THEMIS: variants seen among roughly 807,000 people sequenced by gnomAD.
THEMIS encodes the protein protein THEMIS.
THEMIS carries 37 observed loss-of-function variants against 52.6 expected under a neutral mutation model. The ratio of observed to expected loss-of-function variants is 0.70; its 90% confidence interval spans 0.54 to 0.93. THEMIS has a LOEUF of 0.93. Among genes scored for constraint, THEMIS ranks in the 40% least tolerant of loss-of-function variants. The probability of loss-of-function intolerance (pLI) is 0.00; values close to 1 mark genes in which losing one functional copy is unlikely to be tolerated. For missense variants in THEMIS, 808 were observed against 763.1 expected (o/e 1.06, Z -0.69); for synonymous variants, 292 against 272.7 (o/e 1.07, Z -0.70).
chr6:127,766,571 T>A (rs1470869951), intron 4 of THEMIS, among the ~76,000 whole-genome samples: 3 of 152,082 alleles, frequency 2.0e-5, no homozygotes, highest in Non-Finnish European at 2.9e-5. Flanking sequence ...CACCACAGAG[T>A]ACACTTACAG....
intron 4 of THEMIS, among the ~76,000 whole-genome samples, chr6:127,799,868 T>C (rs1360982671): frequency 6.6e-6 from 1 of 152,210 alleles, no homozygotes; most frequent in East Asian, 1.9e-4. Context: ...CAATTGAGGA[T>C]GATGTATTTC....
intron 4 of THEMIS, among the ~76,000 whole-genome samples, chr6:127,810,784 T>C (rs1777877542): frequency 6.6e-6 from 1 of 152,112 alleles, no homozygotes; most frequent in Non-Finnish European, 1.5e-5. Context: ...GCCCTTTCAT[T>C]TTTAAATTTT....
At chr6:127,900,816 C>A in intron 1 of THEMIS, 26 bp downstream of exon 1, 1 of 1,582,574 alleles carries the variant, frequency 6.3e-7, no homozygotes, top group Non-Finnish European at 8.7e-7. Context: ...ATGTTCTAGC[C>A]AGTAAAGGTA....
chr6:127,869,594 C>T (rs1215519280), intron 1 of THEMIS, among the ~76,000 whole-genome samples: 2 of 152,186 alleles, frequency 1.3e-5, no homozygotes, highest in African/African-American at 4.8e-5. Context: ...TAATCTCAAA[C>T]TTACAGTAAA....
chr6:127,901,146 T>C (rs1781124001), upstream of THEMIS: 4 of 577,668 alleles, frequency 6.9e-6, no homozygotes, highest in Admixed American at 9.2e-5. Context: ...ATAGCTCTTT[T>C]TGTTCACATT....
intron 4 of THEMIS, among the ~76,000 whole-genome samples, chr6:127,801,717 C>T (rs963268740): frequency 6.6e-6 from 1 of 152,144 alleles, no homozygotes; most frequent in African/African-American, 2.4e-5. Context: ...GTGATGGCCT[C>T]CCCTGAGGCG....
At chr6:127,845,523 G>A (rs149431356) in intron 2 of THEMIS, among the ~76,000 whole-genome samples, 2,813 of 151,794 alleles carry the variant, frequency 0.019, 58 homozygotes, top group African/African-American at 0.048. Context: ...CTGTAATCAC[G>A]AAAAAATAAT....
At chr6:127,866,329 ATAAC>A (rs1357448415) in intron 1 of THEMIS, among the ~76,000 whole-genome samples, 1 of 152,042 alleles carries the variant, frequency 6.6e-6, no homozygotes, top group African/African-American at 2.4e-5. Context: ...GTTTTATTCA[ATAAC>A]TAAAAATTCT....
intron 2 of THEMIS, among the ~76,000 whole-genome samples, chr6:127,849,196 T>G (rs569390004): frequency 7.9e-5 from 12 of 152,146 alleles, no homozygotes; most frequent in African/African-American, 2.9e-4. Flanking sequence ...CTTTCCCCAT[T>G]TCTTGTTTTT....
the THEMIS span, among the ~76,000 whole-genome samples, chr6:127,697,198 T>C: frequency 6.6e-6 from 1 of 152,314 alleles, no homozygotes; most frequent in East Asian, 1.9e-4. Flanking sequence ...TTATAGTCAA[T>C]GGTAACTCCA....
At chr6:127,782,745 C>T (rs117500034) in intron 4 of THEMIS, among the ~76,000 whole-genome samples, 1 of 151,952 alleles carries the variant, frequency 6.6e-6, no homozygotes, top group Non-Finnish European at 1.5e-5. Flanking sequence ...TCCTATTTGG[C>T]CATACTCCAC....
intron 1 of THEMIS, among the ~76,000 whole-genome samples, chr6:127,865,063 G>A (rs544292400): frequency 2.0e-5 from 3 of 152,174 alleles, no homozygotes; most frequent in South Asian, 2.1e-4. Context: ...TGAGCCTTGG[G>A]GTCCTGGGAT....
At chr6:127,878,942 A>C (rs1780395838) in intron 1 of THEMIS, among the ~76,000 whole-genome samples, 1 of 152,198 alleles carries the variant, frequency 6.6e-6, no homozygotes, top group Non-Finnish European at 1.5e-5. Context: ...GTTTTTAATG[A>C]ATTGCTTATT....
At chr6:127,905,914 A>G (rs573748471), upstream of THEMIS, among the ~76,000 whole-genome samples, 2 of 151,530 alleles carry the variant, frequency 1.3e-5, no homozygotes, top group East Asian at 1.9e-4. Context: ...GATGGTATAC[A>G]TAAACTCAAT....
Position 127,891,054 on chromosome 6 carries a change from T to C in THEMIS, c.91+9788A>G, listed in dbSNP as rs188997829. Among the ~76,000 whole-genome samples, 34 of 152,238 alleles carry C rather than the reference T, an allele frequency of 2.2e-4. 1 individual carries two copies. In the East Asian group the frequency reaches 3.1e-3, roughly 14 times the overall value. On this transcript the variant is annotated intron_variant, in intron 1 of 5. Coordinates refer to ENST00000368248, the MANE Select transcript of THEMIS (RefSeq NM_001010923.3). ...TTGAAATATCCACTTGGCTGAGTAA[T>C]AGATATTTATATTTAATATGTCCAA...
At chr6:127,899,533 G>A (rs573254006) in intron 1 of THEMIS, among the ~76,000 whole-genome samples, 10 of 152,006 alleles carry the variant, frequency 6.6e-5, no homozygotes, top group African/African-American at 2.4e-4. Context: ...AATGGTACCT[G>A]GAAATCAGGT....
chr6:127,719,858 C>A (rs1774304912), intron 4 of THEMIS, 35 bp from the exon 5 acceptor site: 7 of 1,603,678 alleles, frequency 4.4e-6, no homozygotes, highest in Non-Finnish European at 6.0e-6. Flanking sequence ...AATTATCAGT[C>A]CAAAATAAAT....
At chr6:127,789,489 A>G (rs1777088306) in intron 4 of THEMIS, among the ~76,000 whole-genome samples, 1 of 152,206 alleles carries the variant, frequency 6.6e-6, no homozygotes, top group Non-Finnish European at 1.5e-5. Flanking sequence ...TATTCCAAAC[A>G]ATAGAAAAAG....
rs369631117 is a variant in THEMIS at position 127,910,207 on chromosome 6, GT to G, written c.-150+8220del. Among the ~76,000 whole-genome samples the G allele has an allele frequency of 5.2e-3, 787 of 152,098 alleles. 6 individuals carry two copies. Among genetic ancestry groups the G allele is most frequent in the African/African-American group, 0.018 (744 of 41,494 alleles). ...AAGTAAAAGGCTTGTTATAGATGAT[GT>G]TTTTTTATAAAGAATTACAGTCATA... is the stretch of plus-strand genomic sequence containing the variant. On this transcript the variant is annotated intron_variant, in intron 1 of 6. Coordinates refer to the THEMIS transcript ENST00000368250.
Sources: allele counts gnomAD v4.1 joint callset (sites outside exome capture counted in the v4.1 genomes callset), GRCh38; gene constraint gnomAD v4.1.1; transcripts MANE v1.5; gene names NCBI Gene and HGNC (gene_info 2026-07-23, HGNC 2026-07-21).